The following SPTBN1 variants were observed in gnomAD, a reference collection of about 807,000 sequenced individuals.
SPTBN1 encodes spectrin beta, non-erythrocytic 1, also known as spectrin beta chain, non-erythrocytic 1.
In SPTBN1, 32 loss-of-function variants were observed where a neutral mutation model predicts 266.4. The observed-to-expected ratio is 0.12, with a 90% CI of 0.09 to 0.16. SPTBN1 has a LOEUF of 0.16. Among genes scored for constraint, SPTBN1 ranks in the 10% least tolerant of loss-of-function variants. The pLI is 1.00. For synonymous variants in SPTBN1, 1,336 were observed against 1,162.2 expected, an observed-to-expected ratio of 1.15 and a Z score of -3.04; for missense variants, 2,296 against 3,067.1, an observed-to-expected ratio of 0.75 and a Z score of 5.94.
chr2:54,474,301 T>G (rs1017134648), intron 1 of SPTBN1, among the ~76,000 whole-genome samples: 7 of 152,298 alleles, frequency 4.6e-5, no homozygotes, highest in African/African-American at 1.7e-4. Flanking sequence ...AACCTAAAAG[T>G]CCATCATTGG....
In SPTBN1 at chr2:54,653,680, G is replaced by T. The variant is rs763602967; in HGVS notation, c.5649G>T (p.Gln1883His). ...CGGGTGACAAGGCCGACGATATCCA[G>T]AAGCGCGAGAACGAGGTCCTGGAAG... ...AYAGDKADDIQKRENEVLEAW... is the reference protein window; with the variant it reads ...AYAGDKADDIHKRENEVLEAW... Residue 1883 changes from glutamine to histidine, a missense_variant, in exon 27 of 36, where the codon CAG (glutamine) becomes CAT (histidine). Gln to His is a conservative substitution (Grantham distance 24). Transcript: ENST00000356805. This position sits in a 1 kb window ranked among gnomAD's most constrained non-coding sequence, Gnocchi z 5.1. The T allele has an allele frequency of 2.5e-6, 4 of 1,614,190 alleles. No homozygotes were observed. Among genetic ancestry groups the T allele is most frequent in the Non-Finnish European group, 3.4e-6 (4 of 1,180,024 alleles).
intron 1 of SPTBN1, chr2:54,520,388 C>A (rs960869406): frequency 6.6e-6 from 1 of 152,136 alleles, no homozygotes; most frequent in Non-Finnish European, 1.5e-5. Context: ...TGTGGTAGCT[C>A]ATGCCAGAGC....
chr2:54,465,787 G>GTCC (rs1000529609), intron 1 of SPTBN1, among the ~76,000 whole-genome samples: 6 of 151,906 alleles, frequency 3.9e-5, no homozygotes, highest in African/African-American at 1.4e-4. Flanking sequence ...TTGAAAAGGA[G>GTCC]TCCCATGAAT....
chr2:54,640,025 A>G (rs112286414), intron 18 of SPTBN1, among the ~76,000 whole-genome samples: 120 of 152,272 alleles, frequency 7.9e-4, no homozygotes, highest in African/African-American at 2.8e-3. Context: ...ACCAGCATGT[A>G]TAGTCTCTGC....
At chr2:54,627,994 A>C in intron 12 of SPTBN1, 103 bp from the exon 13 acceptor site, 1 of 1,379,578 alleles carries the variant, frequency 7.2e-7, no homozygotes, top group Non-Finnish European at 9.8e-7. Context: ...GACTAGAGGG[A>C]AGGCATAGCT....
chr2:54,471,519 T>C (rs1462410273), intron 1 of SPTBN1, among the ~76,000 whole-genome samples: 1 of 151,074 alleles, frequency 6.6e-6, no homozygotes, highest in Non-Finnish European at 1.5e-5. Context: ...AGTGACCTGA[T>C]GGGAATAAAT....
chr2:54,531,307 T>G (rs923449524), intron 2 of SPTBN1, among the ~76,000 whole-genome samples: 2 of 152,104 alleles, frequency 1.3e-5, no homozygotes, highest in African/African-American at 2.4e-5. Flanking sequence ...TAATGTCAGG[T>G]AGAGGTGTCA....
In SPTBN1 at chr2:54,593,831, T is replaced by TTTTTTTC. The variant is rs1189181534; in HGVS notation, c.149-5255_149-5254insCTTTTTT. ...CTTGTATCATGGAAACACTTTTTTT[T>TTTTTTTC]TTTTTTTTTTTTTTTTTTTGAGACA... On this transcript the variant is annotated intron_variant, in intron 2 of 35. Coordinates refer to ENST00000356805, the MANE Select transcript of SPTBN1 (RefSeq NM_003128.3). Among the ~76,000 whole-genome samples, 84 of 127,930 alleles carry TTTTTTTC rather than the reference T, an allele frequency of 6.6e-4. 3 individuals are homozygous for TTTTTTTC. Among genetic ancestry groups the TTTTTTTC allele is most frequent in the Non-Finnish European group, 1.1e-3 (62 of 58,864 alleles). The allele number at this position is 127,930 out of a possible 152,430, so 83.9% of individuals were successfully genotyped here.
chr2:54,574,575 C>T (rs1478669770), intron 2 of SPTBN1, among the ~76,000 whole-genome samples: 3 of 152,184 alleles, frequency 2.0e-5, no homozygotes, highest in African/African-American at 7.2e-5. Flanking sequence ...TCTTCTCACC[C>T]AGGGTCAGAA....
chr2:54,470,977 T>C (rs1275414565), intron 1 of SPTBN1, among the ~76,000 whole-genome samples: 1 of 152,250 alleles, frequency 6.6e-6, no homozygotes, highest in African/African-American at 2.4e-5. Flanking sequence ...GCTCATTAGC[T>C]ATCATTAGTG....
At chr2:54,625,412 G>C (rs1253549447) in intron 11 of SPTBN1, among the ~76,000 whole-genome samples, 1 of 152,090 alleles carries the variant, frequency 6.6e-6, no homozygotes, top group Non-Finnish European at 1.5e-5. Context: ...AAAATGAGCA[G>C]TTACTAGTTT....
chr2:54,486,658 A>G (rs1668411542), intron 1 of SPTBN1, among the ~76,000 whole-genome samples: 1 of 151,832 alleles, frequency 6.6e-6, no homozygotes, highest in Non-Finnish European at 1.5e-5. Context: ...CCTTCCCTCC[A>G]CTATTGTCCT....
Position 54,645,720 on chromosome 2 carries a change from T to C in SPTBN1, c.4495-208T>C, listed in dbSNP as rs1679881636. ...AAAGTAATGAGGACTCACAGTGAGT[T>C]TGACCTTGAGGATGAGGTAGAGTTG... On this transcript the variant is annotated intron_variant, in intron 21 of 35. Transcript: ENST00000356805. The surrounding 1 kb of genome is among the most constrained non-coding windows in gnomAD (Gnocchi z 4.3). 6.6e-6 allele frequency among the ~76,000 whole-genome samples: 1 copy of C among 152,188 alleles called. No individual in the cohort carries two copies. Among genetic ancestry groups the C allele is most frequent in the South Asian group, 2.1e-4 (1 of 4,824 alleles).
chr2:54,598,151 A>C (rs1025206165), intron 2 of SPTBN1, among the ~76,000 whole-genome samples: 2 of 152,172 alleles, frequency 1.3e-5, no homozygotes, highest in South Asian at 4.1e-4. Context: ...GTTCTGGGCA[A>C]ATATGTCTAG....
chr2:54,590,211 T>C (rs1156289320), intron 2 of SPTBN1, among the ~76,000 whole-genome samples: 2 of 152,244 alleles, frequency 1.3e-5, no homozygotes, highest in African/African-American at 4.8e-5. Flanking sequence ...TGCATTTTTA[T>C]CCGTATTTCA....
In SPTBN1 at chr2:54,578,749, GGTGTGT is replaced by G. The variant is rs34536803; in HGVS notation, c.149-20319_149-20314del. The stretch of plus-strand genomic sequence containing the variant: ...GGCCTAGGCAAGTGTCTTCTGATGG[GGTGTGT>G]GTGTGTGTGTGTGTGTGTGTGTGAT... On this transcript the variant is annotated intron_variant, in intron 2 of 35. Coordinates refer to ENST00000356805, the MANE Select transcript of SPTBN1 (RefSeq NM_003128.3). Among the ~76,000 whole-genome samples the G allele has an allele frequency of 2.3e-4, 34 of 147,628 alleles. 1 individual carries two copies. In the South Asian group the frequency reaches 3.7e-3, roughly 16 times the overall value.
In SPTBN1 at chr2:54,558,385, C is replaced by T; in HGVS notation, c.148+31819C>T. 9.9e-7 allele frequency: 1 copy of T among 1,006,190 alleles called. No homozygotes were observed. The highest frequency in any genetic ancestry group is 1.2e-6 in the Non-Finnish European group (1 of 843,532). The allele number at this position is 1,006,190 out of a possible 1,614,324, so 62.3% of individuals were successfully genotyped here. The stretch of plus-strand genomic sequence containing the variant: ...ACAAACCGGCGGCCGCCGCGGGCAG[C>T]TGGGAGGAGGTGTGCGCGCTGCGCC... On this transcript the variant is annotated intron_variant, in intron 2 of 35. Coordinates refer to ENST00000356805, the MANE Select transcript of SPTBN1 (RefSeq NM_003128.3). This position sits in a 1 kb window ranked among gnomAD's most constrained non-coding sequence, Gnocchi z 4.6.
At chr2:54,530,433 A>T (rs1356091590) in intron 2 of SPTBN1, among the ~76,000 whole-genome samples, 1 of 124,692 alleles carries the variant, frequency 8.0e-6, no homozygotes, top group African/African-American at 3.1e-5. Flanking sequence ...ATCTCGGCTC[A>T]CTGCAAGCTC....
chr2:54,497,351 T>G (rs1669023123), intron 1 of SPTBN1, among the ~76,000 whole-genome samples: 1 of 152,180 alleles, frequency 6.6e-6, no homozygotes, highest in African/African-American at 2.4e-5. Flanking sequence ...GCAAAAACCA[T>G]GAATTAGTTT....
Sources: allele counts gnomAD v4.1 joint callset (sites outside exome capture counted in the v4.1 genomes callset), GRCh38; gene constraint gnomAD v4.1.1; non-coding constraint Gnocchi (gnomAD v3.1); transcripts MANE v1.5; gene names NCBI Gene and HGNC (gene_info 2026-07-23, HGNC 2026-07-21).